HS3ST4: variants seen among roughly 807,000 people sequenced by gnomAD.
HS3ST4 encodes the protein heparan sulfate-glucosamine 3-sulfotransferase 4.
Under a neutral mutation model 29.2 loss-of-function variants are expected in HS3ST4, and 17 were observed. The observed-to-expected ratio is 0.58, with a 90% CI of 0.40 to 0.87. HS3ST4 has a LOEUF of 0.87. Ranked by LOEUF, HS3ST4 falls within the 40% of genes least tolerant of loss-of-function variation. The probability of loss-of-function intolerance (pLI) is 0.00; values close to 1 mark genes in which losing one functional copy is unlikely to be tolerated. For synonymous variants in HS3ST4, 314 were observed against 285.7 expected (o/e 1.10, Z -1.00); for missense variants, 627 against 634.5 (o/e 0.99, Z 0.13).
At chr16:25,999,857 A>T (rs1280691260) in intron 1 of HS3ST4, among the ~76,000 whole-genome samples, 1 of 132,416 alleles carries the variant, frequency 7.6e-6, no homozygotes, top group African/African-American at 2.9e-5. Flanking sequence ...TATATATTAT[A>T]TATATATTAT....
chr16:25,887,836 T>A (rs1281447299), intron 1 of HS3ST4, among the ~76,000 whole-genome samples: 2 of 151,556 alleles, frequency 1.3e-5, no homozygotes, highest in Non-Finnish European at 2.9e-5. Context: ...TAGCTGGGAC[T>A]ACAGGCGCCC....
At chr16:25,799,308 T>A (rs950249599) in intron 1 of HS3ST4, among the ~76,000 whole-genome samples, 14 of 152,298 alleles carry the variant, frequency 9.2e-5, no homozygotes, top group African/African-American at 3.1e-4. Flanking sequence ...GCTGGTTGGA[T>A]TTTGTAGAGC....
chr16:25,783,592 A>G (rs1428711973), intron 1 of HS3ST4, among the ~76,000 whole-genome samples: 1 of 152,182 alleles, frequency 6.6e-6, no homozygotes, highest in Non-Finnish European at 1.5e-5. Flanking sequence ...AGGGCAAGGT[A>G]ACAGCAAAAA....
intron 1 of HS3ST4, among the ~76,000 whole-genome samples, chr16:25,721,342 T>G (rs1221004030): frequency 4.6e-5 from 7 of 152,208 alleles, no homozygotes; most frequent in African/African-American, 1.7e-4. Flanking sequence ...TACTTTGAAT[T>G]GAGGATTGCC....
intron 1 of HS3ST4, among the ~76,000 whole-genome samples, chr16:25,852,483 G>A (rs1440209689): frequency 3.3e-5 from 5 of 151,334 alleles, no homozygotes; most frequent in South Asian, 2.1e-4. Flanking sequence ...TAAACTTGAC[G>A]TTCTTTTCAA....
intron 1 of HS3ST4, among the ~76,000 whole-genome samples, chr16:25,959,205 A>G (rs546940272): frequency 6.6e-6 from 1 of 152,234 alleles, no homozygotes; most frequent in South Asian, 2.1e-4. Context: ...TGTGTTCTCA[A>G]CCTGATCCCG....
chr16:26,093,595 AC>A (rs1189370451), intron 1 of HS3ST4, among the ~76,000 whole-genome samples: 1 of 152,034 alleles, frequency 6.6e-6, no homozygotes, highest in Non-Finnish European at 1.5e-5. Context: ...CAACACCAAA[AC>A]CCCATCTGTA....
intron 1 of HS3ST4, among the ~76,000 whole-genome samples, chr16:26,092,109 A>T (rs1371027738): frequency 6.6e-6 from 1 of 152,042 alleles, no homozygotes; most frequent in Admixed American, 6.5e-5. Flanking sequence ...CTCAAAGGGG[A>T]CAGAATGGGG....
intron 1 of HS3ST4, among the ~76,000 whole-genome samples, chr16:25,780,816 G>A (rs1261630868): frequency 1.3e-5 from 2 of 152,158 alleles, no homozygotes; most frequent in Non-Finnish European, 2.9e-5. Context: ...AAATGAGCAT[G>A]ATTTGTGTGA....
chr16:25,746,185 C>T (rs1966684068), intron 1 of HS3ST4, among the ~76,000 whole-genome samples: 1 of 152,158 alleles, frequency 6.6e-6, no homozygotes, highest in Admixed American at 6.6e-5. Flanking sequence ...TTCCCAGTGC[C>T]TTGGCCATGT....
At chr16:26,111,261 T>G (rs1383736549) in intron 1 of HS3ST4, among the ~76,000 whole-genome samples, 1 of 151,968 alleles carries the variant, frequency 6.6e-6, no homozygotes, top group Non-Finnish European at 1.5e-5. Flanking sequence ...AAAAAATGTT[T>G]GTAGAGATGG....
Position 26,016,279 on chromosome 16 carries a change from A to G in HS3ST4, c.735-119333A>G, listed in dbSNP as rs113058605. Reference sequence around the variant, plus strand: ...TTGTCACTCCAGGCTCCAAATATCTAATGTTGTCTACCCTGACACAGTCTA... The same window carrying G: ...TTGTCACTCCAGGCTCCAAATATCTGATGTTGTCTACCCTGACACAGTCTA... On this transcript the variant is annotated intron_variant, in intron 1 of 1. Transcript: ENST00000331351. 4.3e-3 allele frequency among the ~76,000 whole-genome samples: 650 copies of G among 152,266 alleles called. 2 individuals are homozygous for G. The highest frequency in any genetic ancestry group is 0.015 in the African/African-American group (628 of 41,536).
intron 1 of HS3ST4, among the ~76,000 whole-genome samples, chr16:26,028,146 G>A (rs1354960366): frequency 6.6e-6 from 1 of 151,594 alleles, no homozygotes; most frequent in African/African-American, 2.4e-5. Context: ...AGTAGCAGGC[G>A]CCTGTAATCT....
chr16:25,713,561 C>CAAACAAAT (rs1966431526), intron 1 of HS3ST4, among the ~76,000 whole-genome samples: 1 of 151,166 alleles, frequency 6.6e-6, no homozygotes, highest in African/African-American at 2.4e-5. Flanking sequence ...AACAAACAAA[C>CAAACAAAT]ATCCTGTCTC....
rs1555478285 is a variant in HS3ST4 at position 26,014,007 on chromosome 16, A to AAATAAATAAAT, written c.735-121603_735-121602insTAAATAAATAA. Among the ~76,000 whole-genome samples the AAATAAATAAAT allele has an allele frequency of 1.5e-4, 22 of 145,648 alleles. No homozygotes were observed. The East Asian group carries it at 3.7e-3, about 24-fold the overall frequency. ...TGGCGACAGATAGCAACTCTGTCTCAAAATAAATAAATAAATAAATAAATA... is the reference window on the plus strand; with the variant it reads ...TGGCGACAGATAGCAACTCTGTCTCAAATAAATAAATAAATAAATAAATAAATAAATAAATA... On this transcript the variant is annotated intron_variant, in intron 1 of 1. Coordinates refer to ENST00000331351, the MANE Select transcript of HS3ST4 (RefSeq NM_006040.3).
intron 1 of HS3ST4, among the ~76,000 whole-genome samples, chr16:26,121,956 A>G (rs932562338): frequency 3.9e-5 from 6 of 152,164 alleles, no homozygotes; most frequent in Non-Finnish European, 7.3e-5. Context: ...TTATTTCACA[A>G]TCAGGGAAAA....
chr16:25,753,022 G>T (rs1401402826), intron 1 of HS3ST4, among the ~76,000 whole-genome samples: 1 of 152,210 alleles, frequency 6.6e-6, no homozygotes, highest in Non-Finnish European at 1.5e-5. Flanking sequence ...AGAAGATTCA[G>T]TTAGATGGTG....
Position 25,880,360 on chromosome 16 carries a change from T to G in HS3ST4, c.734+187209T>G, listed in dbSNP as rs183419276. Among the ~76,000 whole-genome samples, 89 of 152,304 alleles carry G rather than the reference T, an allele frequency of 5.8e-4. 2 individuals carry two copies. The East Asian group carries it at 0.015, about 26-fold the overall frequency. On this transcript the variant is annotated intron_variant, in intron 1 of 1. Coordinates refer to ENST00000331351, the MANE Select transcript of HS3ST4 (RefSeq NM_006040.3). ...ACGTGGTTAACACTCAGTGAATATT[T>G]GTTGAATGAACTCAGAGTGGCAGAT...
chr16:25,827,577 C>T (rs756951298), intron 1 of HS3ST4, among the ~76,000 whole-genome samples: 8 of 150,252 alleles, frequency 5.3e-5, no homozygotes, highest in South Asian at 2.1e-4. Context: ...TCTATCTTAG[C>T]GGAAATCAGT....
Sources: gnomAD v4.1 joint callset for allele counts (sites outside exome capture counted in the v4.1 genomes callset) on GRCh38, gnomAD v4.1.1 for gene constraint, MANE v1.5 for transcripts, NCBI Gene and HGNC (gene_info 2026-07-23, HGNC 2026-07-21) for gene names.